Variants in CEP83 observed in about 807,000 individuals in gnomAD.
The protein encoded by CEP83 is centrosomal protein of 83 kDa.
In CEP83, 70 loss-of-function variants were observed where a neutral mutation model predicts 101.9. That is an observed-to-expected ratio of 0.69 (90% CI 0.57 to 0.84). The LOEUF (loss-of-function observed/expected upper bound fraction) is 0.84. Among genes scored for constraint, CEP83 ranks in the 40% least tolerant of loss-of-function variants. The pLI is 0.00. For missense variants in CEP83, 715 were observed against 787.2 expected, an observed-to-expected ratio of 0.91 and a Z score of 1.10; for synonymous variants, 264 against 267.9, an observed-to-expected ratio of 0.99 and a Z score of 0.14.
intron 8 of CEP83, 130 bp downstream of exon 8, chr12:94,375,752 GTATT>G (rs2061500375): frequency 4.3e-6 from 2 of 469,966 alleles, no homozygotes; most frequent in Non-Finnish European, 7.1e-6. Context: ...ACTGATCAAT[GTATT>G]TATTTCTTAG....
intron 11 of CEP83, among the ~76,000 whole-genome samples, chr12:94,355,226 G>T (rs991676784): frequency 1.3e-5 from 2 of 152,158 alleles, no homozygotes; most frequent in African/African-American, 4.8e-5. Flanking sequence ...GGGCACAGTG[G>T]CTCACACCTG....
chr12:94,321,818 TG>T (rs1327096589), intron 14 of CEP83, among the ~76,000 whole-genome samples: 1 of 152,040 alleles, frequency 6.6e-6, no homozygotes, highest in Non-Finnish European at 1.5e-5. Flanking sequence ...TGGATGGCCC[TG>T]GTGGGGATGG....
rs371739126 is a variant in CEP83 at position 94,426,119 on chromosome 12, C to T, written c.-102+9156G>A. ...CCTGGGTGACAGAGCGAAACTCCGT[C>T]TCAAAAAAAAAAAAAAGAAATGAAA... On this transcript the variant is annotated intron_variant, in intron 2 of 16. Coordinates refer to ENST00000397809, the MANE Select transcript of CEP83 (RefSeq NM_016122.3). Among the ~76,000 whole-genome samples, 103 of 146,936 alleles carry T rather than the reference C, an allele frequency of 7.0e-4. 1 individual carries two copies. In the South Asian group the frequency reaches 0.021, roughly 29 times the overall value.
chr12:94,364,241 A>T (rs1446729404), intron 11 of CEP83, among the ~76,000 whole-genome samples: 1 of 152,214 alleles, frequency 6.6e-6, no homozygotes, highest in African/African-American at 2.4e-5. Flanking sequence ...ACTTAAAAAT[A>T]GTTAAGATGG....
intron 15 of CEP83, among the ~76,000 whole-genome samples, chr12:94,311,790 C>T (rs182375971): frequency 2.9e-4 from 44 of 152,278 alleles, no homozygotes; most frequent in African/African-American, 1.1e-3. Context: ...ACACGACATC[C>T]AGTAATCAAA....
chr12:94,332,261 T>A (rs2059256768), intron 13 of CEP83, among the ~76,000 whole-genome samples: 1 of 152,236 alleles, frequency 6.6e-6, no homozygotes, highest in Non-Finnish European at 1.5e-5. Flanking sequence ...TGGTATCAAA[T>A]CTTAATGCAG....
intron 11 of CEP83, among the ~76,000 whole-genome samples, chr12:94,365,393 T>C (rs942698252): frequency 2.6e-5 from 4 of 152,208 alleles, no homozygotes; most frequent in Non-Finnish European, 5.9e-5. Flanking sequence ...CCCACCTATT[T>C]ACTTCAGGAA....
chr12:94,368,412 T>C, intron 9 of CEP83: 1 of 524,588 alleles, frequency 1.9e-6, no homozygotes, highest in Non-Finnish European at 3.3e-6. Context: ...CCTGTCACTG[T>C]TTATTTAGTG....
At chr12:94,379,654 T>C (rs561362298) in intron 6 of CEP83, among the ~76,000 whole-genome samples, 2 of 152,068 alleles carry the variant, frequency 1.3e-5, no homozygotes, top group African/African-American at 2.4e-5. Flanking sequence ...ACTGGGGAAC[T>C]TGCAGAGCAG....
chr12:94,370,345 G>T (rs2061241257), intron 8 of CEP83, among the ~76,000 whole-genome samples: 1 of 152,184 alleles, frequency 6.6e-6, no homozygotes, highest in Non-Finnish European at 1.5e-5. Flanking sequence ...TGGAAAATCT[G>T]CAGGGGAAAA....
chr12:94,369,498 T>C (rs1438440168), intron 9 of CEP83: 1 of 152,624 alleles, frequency 6.6e-6, no homozygotes, highest in Non-Finnish European at 1.5e-5. Context: ...AAGCCTACTC[T>C]GCACTAGGCT....
the CEP83 span, among the ~76,000 whole-genome samples, chr12:94,299,703 G>A: frequency 1.3e-5 from 2 of 152,088 alleles, no homozygotes; most frequent in African/African-American, 2.4e-5. Context: ...GGAATTACAC[G>A]AGCATGCCAC....
chr12:94,294,319 A>G, the CEP83 span, among the ~76,000 whole-genome samples: 6 of 152,186 alleles, frequency 3.9e-5, no homozygotes, highest in African/African-American at 1.2e-4. Flanking sequence ...CTTGCTTGTC[A>G]TTTAGTCCCA....
chr12:94,444,403 A>G (rs1055334391), intron 1 of CEP83, among the ~76,000 whole-genome samples: 1 of 152,020 alleles, frequency 6.6e-6, no homozygotes, highest in Non-Finnish European at 1.5e-5. Flanking sequence ...CAACTCCGAA[A>G]AGAAAAGAAA....
At chr12:94,381,494 G>A (rs2137219203) in intron 6 of CEP83, among the ~76,000 whole-genome samples, 1 of 152,138 alleles carries the variant, frequency 6.6e-6, no homozygotes, top group South Asian at 2.1e-4. Context: ...AAACAATAGG[G>A]ACTAGGAATA....
rs760390033 is a variant in CEP83, at chr12:94,368,063, T to C, written c.1187A>G (p.Asp396Gly). 5 of 1,612,376 alleles carry C rather than the reference T, an allele frequency of 3.1e-6. No individual in the cohort carries two copies. Among genetic ancestry groups the C allele is most frequent in the Non-Finnish European group, 3.4e-6 (4 of 1,179,308 alleles). ...AAGGTAATTAAGTACTTACTTTTCA[T>C]CTTGTAATACCACAAGTTTTTGATA... is the stretch of plus-strand genomic sequence containing the variant. ...EGYQKLVVLQ[D>G]EKLELENRLA... Residue 396 changes from aspartate (D) to glycine (G), a missense_variant, in exon 10 of 17, where the codon GAT becomes GGT. Transcript: ENST00000397809.
chr12:94,378,697 G>C (rs1000649026), intron 7 of CEP83, 94 bp downstream of exon 7: 1 of 1,312,314 alleles, frequency 7.6e-7, no homozygotes, highest in East Asian at 2.3e-5. Context: ...CATTAGCTTG[G>C]GGGGCATACA....
chr12:94,423,947 G>C (rs1414009231), intron 2 of CEP83: 6 of 1,612,518 alleles, frequency 3.7e-6, no homozygotes, highest in African/African-American at 2.7e-5. Context: ...CAGTTGCTGG[G>C]TAAGGGGTCC....
intron 4 of CEP83, among the ~76,000 whole-genome samples, chr12:94,411,462 T>C (rs938122300): frequency 3.3e-5 from 5 of 152,202 alleles, no homozygotes; most frequent in Non-Finnish European, 7.4e-5. Flanking sequence ...ATATTATTTA[T>C]ATCAGAATAG....
Sources: gnomAD v4.1 joint callset for allele counts (sites outside exome capture counted in the v4.1 genomes callset) on GRCh38, gnomAD v4.1.1 for gene constraint, MANE v1.5 for transcripts, NCBI Gene and HGNC (gene_info 2026-07-23, HGNC 2026-07-21) for gene names.